FIG4: variants seen among roughly 807,000 people sequenced by gnomAD.
FIG4 encodes FIG4 phosphoinositide 5-phosphatase.
FIG4 carries 112 observed loss-of-function variants against 118.6 expected under a neutral mutation model. The observed-to-expected ratio is 0.94, with a 90% CI of 0.81 to 1.11. The LOEUF (loss-of-function observed/expected upper bound fraction) is 1.11. Among genes scored for constraint, FIG4 ranks in the 50% least tolerant of loss-of-function variants. The pLI, the probability that FIG4 is intolerant of heterozygous loss-of-function variation, is 0.00. For synonymous variants in FIG4, 369 were observed against 381.2 expected (o/e 0.97, Z 0.37); for missense variants, 969 against 1,111.7 (o/e 0.87, Z 1.83).
intron 22 of FIG4, among the ~76,000 whole-genome samples, chr6:109,797,581 A>T (rs1370634666): frequency 2.6e-5 from 4 of 152,126 alleles, no homozygotes; most frequent in African/African-American, 4.8e-5. Context: ...CCGTATGCTC[A>T]GTTGAGTTGC....
At chr6:109,744,818 G>T (rs1252216015) in intron 10 of FIG4, among the ~76,000 whole-genome samples, 11 of 148,612 alleles carry the variant, frequency 7.4e-5, no homozygotes, top group African/African-American at 2.7e-4. Flanking sequence ...AGGCCCCAGT[G>T]TGTGATGTTC....
intron 22 of FIG4, among the ~76,000 whole-genome samples, chr6:109,820,866 C>T (rs185049304): frequency 2.6e-5 from 4 of 152,244 alleles, no homozygotes; most frequent in African/African-American, 7.2e-5. Context: ...GTAAACCCCC[C>T]ACAGCCATAA....
intron 10 of FIG4, among the ~76,000 whole-genome samples, chr6:109,752,445 A>G (rs993303748): frequency 6.6e-6 from 1 of 151,868 alleles, no homozygotes; most frequent in South Asian, 2.1e-4. Context: ...ACTAGTTTAC[A>G]GTCCCACCAA....
chr6:109,730,367 A>G (rs995180603), intron 4 of FIG4, among the ~76,000 whole-genome samples: 2 of 152,178 alleles, frequency 1.3e-5, no homozygotes, highest in African/African-American at 4.8e-5. Context: ...AATTTAATGT[A>G]ACATTGATCC....
chr6:109,793,220 G>C (rs892106706), intron 21 of FIG4, among the ~76,000 whole-genome samples: 6 of 152,168 alleles, frequency 3.9e-5, no homozygotes, highest in African/African-American at 7.2e-5. Flanking sequence ...GTACATTCCT[G>C]CATTTCTAAA....
At chr6:109,746,477 T>A (rs983113642) in intron 10 of FIG4, among the ~76,000 whole-genome samples, 2 of 152,056 alleles carry the variant, frequency 1.3e-5, no homozygotes, top group Non-Finnish European at 2.9e-5. Context: ...GGTATTCAAC[T>A]CAGAGCGCAG....
At chr6:109,800,913 G>A (rs1037633584) in intron 22 of FIG4, among the ~76,000 whole-genome samples, 1 of 152,120 alleles carries the variant, frequency 6.6e-6, no homozygotes, top group African/African-American at 2.4e-5. Context: ...GTGACCAAAT[G>A]CCAGGTGAGA....
intron 16 of FIG4, among the ~76,000 whole-genome samples, chr6:109,778,960 C>T (rs1777713056): frequency 1.3e-5 from 2 of 152,142 alleles, no homozygotes; most frequent in South Asian, 4.1e-4. Context: ...TGGAAGGTCT[C>T]AGAATTTGTA....
At chr6:109,786,280 T>G in intron 17 of FIG4, 22 bp from the exon 18 acceptor site, 1 of 1,601,342 alleles carries the variant, frequency 6.2e-7, no homozygotes, top group Non-Finnish European at 8.6e-7. Flanking sequence ...ACTTTTAGAG[T>G]AACATGCAGT....
intron 8 of FIG4, among the ~76,000 whole-genome samples, chr6:109,742,484 G>C (rs1265773199): frequency 1.3e-5 from 2 of 151,972 alleles, no homozygotes; most frequent in Non-Finnish European, 2.9e-5. Flanking sequence ...TTTTGATCCT[G>C]GCTTAAAATA....
chr6:109,781,002 T>C (rs892615645), intron 16 of FIG4, among the ~76,000 whole-genome samples: 1 of 152,268 alleles, frequency 6.6e-6, no homozygotes, highest in African/African-American at 2.4e-5. Context: ...AATTATTTCA[T>C]TGACTCCTAG....
At chr6:109,809,730 C>A (rs1778669108) in intron 22 of FIG4, among the ~76,000 whole-genome samples, 1 of 152,146 alleles carries the variant, frequency 6.6e-6, no homozygotes, top group Non-Finnish European at 1.5e-5. Flanking sequence ...CAAATGTTCT[C>A]TTTTTAAAGG....
intron 10 of FIG4, among the ~76,000 whole-genome samples, chr6:109,759,379 C>T (rs1180930752): frequency 6.6e-6 from 1 of 151,958 alleles, no homozygotes; most frequent in Non-Finnish European, 1.5e-5. Flanking sequence ...AACAAACTTG[C>T]ACGTTCTGCA....
At chr6:109,762,603 G>A (rs1263328328) in intron 12 of FIG4, among the ~76,000 whole-genome samples, 1 of 149,186 alleles carries the variant, frequency 6.7e-6, no homozygotes, top group East Asian at 2.0e-4. Flanking sequence ...TTACTATTTT[G>A]GGAGCTTCTT....
intron 22 of FIG4, among the ~76,000 whole-genome samples, chr6:109,824,697 A>G (rs1779107924): frequency 6.6e-6 from 1 of 152,194 alleles, no homozygotes; most frequent in Non-Finnish European, 1.5e-5. Flanking sequence ...GATTTCTACT[A>G]TATCTTCCCT....
At chr6:109,766,631 G>T in intron 14 of FIG4, 98 bp from the exon 15 acceptor site, 1 of 1,001,086 alleles carries the variant, frequency 1.0e-6, no homozygotes, top group Non-Finnish European at 1.6e-6. Flanking sequence ...AGGCTCAGAA[G>T]AATTTTTAAA....
intron 22 of FIG4, among the ~76,000 whole-genome samples, chr6:109,818,257 A>G (rs1387044137): frequency 6.6e-6 from 1 of 151,692 alleles, no homozygotes; most frequent in Non-Finnish European, 1.5e-5. Context: ...TTGGAGGGCA[A>G]TGGCGCGATC....
At chr6:109,761,974 T>A (rs1446796091) in intron 11 of FIG4, 117 bp from the exon 12 acceptor site, 11 of 698,610 alleles carry the variant, frequency 1.6e-5, no homozygotes, top group Non-Finnish European at 2.8e-5. Context: ...AGCCAAGAGA[T>A]TTTAAAAATT....
At chr6:109,704,571 G>A (rs571054466) in intron 1 of FIG4, among the ~76,000 whole-genome samples, 2 of 151,694 alleles carry the variant, frequency 1.3e-5, no homozygotes, top group African/African-American at 4.8e-5. Flanking sequence ...GGGAGGCTGA[G>A]GGAGGAGAAT....
Sources: allele counts gnomAD v4.1 joint callset (sites outside exome capture counted in the v4.1 genomes callset), GRCh38; gene constraint gnomAD v4.1.1; transcripts MANE v1.5; gene names NCBI Gene and HGNC (gene_info 2026-07-23, HGNC 2026-07-21).